Variants in CTNNA3 observed in about 807,000 individuals in gnomAD.
The protein encoded by CTNNA3 is catenin alpha-3.
A neutral mutation model predicts 95.7 loss-of-function variants in CTNNA3; 76 were observed. The observed-to-expected ratio is 0.79, with a 90% confidence interval of 0.66 to 0.96. CTNNA3 has a LOEUF of 0.96. Ranked by LOEUF, CTNNA3 falls within the 40% of genes least tolerant of loss-of-function variation. The pLI, the probability that CTNNA3 is intolerant of heterozygous loss-of-function variation, is 0.00. For missense variants in CTNNA3, 1,191 were observed against 1,089.8 expected, an observed-to-expected ratio of 1.09 and a Z score of -1.31; for synonymous variants, 431 against 374.4, an observed-to-expected ratio of 1.15 and a Z score of -1.74.
At chr10:66,314,164 G>A (rs977710392) in intron 12 of CTNNA3, among the ~76,000 whole-genome samples, 3 of 151,988 alleles carry the variant, frequency 2.0e-5, no homozygotes, top group Non-Finnish European at 2.9e-5. Context: ...GTTCTTCCCC[G>A]GGAGCTGCAC....
At chr10:66,225,070 G>A (rs1181604230) in intron 13 of CTNNA3, among the ~76,000 whole-genome samples, 2 of 151,738 alleles carry the variant, frequency 1.3e-5, no homozygotes, top group Non-Finnish European at 2.9e-5. Flanking sequence ...CTAGCTATTT[G>A]AAAATATACA....
At chr10:67,749,887 G>T (rs1368081417) in intron 1 of CTNNA3, among the ~76,000 whole-genome samples, 2 of 152,058 alleles carry the variant, frequency 1.3e-5, no homozygotes, top group African/African-American at 4.8e-5. Flanking sequence ...CTGGTTTTTT[G>T]AAAAAAATTA....
intron 11 of CTNNA3, among the ~76,000 whole-genome samples, chr10:66,500,193 T>TA (rs1715769596): frequency 6.6e-6 from 1 of 152,044 alleles, no homozygotes; most frequent in African/African-American, 2.4e-5. Flanking sequence ...TATAAATCCA[T>TA]AAAAAATTCA....
rs117640493 is a variant in CTNNA3 at position 67,143,949 on chromosome 10, T to C, written c.1047+36368A>G. 0.01 allele frequency among the ~76,000 whole-genome samples: 1,530 copies of C among 152,360 alleles called. 75 individuals carry two copies. In the East Asian group the frequency reaches 0.14, roughly 14 times the overall value. ...ATTTTCAATTTACTTTGCCCAGATC[T>C]ATCAGAGGAATCACCATCTACAGCG... is the stretch of plus-strand genomic sequence containing the variant. On this transcript the variant is annotated intron_variant, in intron 7 of 17. Transcript: ENST00000433211.
At chr10:66,800,520 T>G (rs1564691649) in intron 7 of CTNNA3, among the ~76,000 whole-genome samples, 1 of 151,166 alleles carries the variant, frequency 6.6e-6, no homozygotes, top group Non-Finnish European at 1.5e-5. Flanking sequence ...GACACTTATC[T>G]ATGAAAAAAA....
chr10:67,694,368 G>T (rs1427819524), intron 1 of CTNNA3, among the ~76,000 whole-genome samples: 2 of 151,990 alleles, frequency 1.3e-5, no homozygotes, highest in Non-Finnish European at 2.9e-5. Flanking sequence ...ATATCATTTG[G>T]TAGACTAGGA....
chr10:66,182,761 C>T (rs1179696306), intron 13 of CTNNA3, among the ~76,000 whole-genome samples: 1 of 151,878 alleles, frequency 6.6e-6, no homozygotes, highest in Non-Finnish European at 1.5e-5. Flanking sequence ...ATTTAAGATC[C>T]TAAAATGAAA....
chr10:67,539,404 G>A, intron 4 of CTNNA3, 99 bp downstream of exon 4: 1 of 1,280,548 alleles, frequency 7.8e-7, no homozygotes, highest in Non-Finnish European at 1.1e-6. Flanking sequence ...GTTAAGAAAT[G>A]AGAGTGAAGC....
In CTNNA3 at chr10:66,493,903, C is replaced by CTTT. The variant is rs1181967222; in HGVS notation, c.1531+26711_1531+26713dup. ...TACAGGCGTGAGCCACTGCGCCGGC[C>CTTT]TTTTTTTTTTTTTTTTTTTTTTGAG... On this transcript the variant is annotated intron_variant, in intron 11 of 17. Coordinates refer to ENST00000433211, the MANE Select transcript of CTNNA3 (RefSeq NM_013266.4). Among the ~76,000 whole-genome samples, 221 of 98,124 alleles carry CTTT rather than the reference C, an allele frequency of 2.3e-3. 10 individuals are homozygous for CTTT. Among genetic ancestry groups the CTTT allele is most frequent in the African/African-American group, 0.01 (193 of 19,080 alleles). The allele number at this position is 98,124 out of a possible 152,430, so 64.4% of individuals were successfully genotyped here. A position where few individuals can be genotyped will look rare whatever the true frequency, so the allele number is the denominator to read the frequency against.
chr10:67,105,911 G>T (rs577608033), intron 7 of CTNNA3, among the ~76,000 whole-genome samples: 1 of 152,042 alleles, frequency 6.6e-6, no homozygotes, highest in Admixed American at 6.6e-5. Context: ...ACATTTTTCC[G>T]CCTTTGGATG....
intron 7 of CTNNA3, among the ~76,000 whole-genome samples, chr10:67,010,726 C>T (rs968168446): frequency 3.3e-5 from 5 of 152,164 alleles, no homozygotes; most frequent in African/African-American, 1.2e-4. Context: ...CAAGAGCTTT[C>T]GACTCAGCCA....
chr10:66,527,371 G>T (rs1841305835), intron 10 of CTNNA3, among the ~76,000 whole-genome samples: 1 of 152,066 alleles, frequency 6.6e-6, no homozygotes. Context: ...TATTTTTCAA[G>T]ATTATTTTGG....
chr10:66,323,456 C>A (rs957006524), intron 12 of CTNNA3, among the ~76,000 whole-genome samples: 1 of 151,570 alleles, frequency 6.6e-6, no homozygotes, highest in Non-Finnish European at 1.5e-5. Flanking sequence ...CCAGCCTGGG[C>A]AACATGGTGA....
intron 7 of CTNNA3, among the ~76,000 whole-genome samples, chr10:66,987,675 C>T (rs535253868): frequency 1.0e-3 from 154 of 152,256 alleles, no homozygotes; most frequent in African/African-American, 3.5e-3. Flanking sequence ...TTTTTCCATT[C>T]AAAGACTTAC....
At chr10:66,503,236 G>A (rs1173398676) in intron 11 of CTNNA3, among the ~76,000 whole-genome samples, 3 of 152,086 alleles carry the variant, frequency 2.0e-5, no homozygotes, top group African/African-American at 4.8e-5. Flanking sequence ...GAGCTCTAAG[G>A]ATGCAGAGAG....
intron 15 of CTNNA3, among the ~76,000 whole-genome samples, chr10:66,028,114 C>T (rs2079377451): frequency 6.6e-6 from 1 of 152,104 alleles, no homozygotes. Flanking sequence ...CAGCCTTCAA[C>T]ATGGAAAAAT....
At chr10:67,641,721 G>A (rs1000366735) in intron 2 of CTNNA3, among the ~76,000 whole-genome samples, 3 of 152,218 alleles carry the variant, frequency 2.0e-5, no homozygotes, top group African/African-American at 7.2e-5. Context: ...CATGGATGAA[G>A]CTGGAAACCA....
upstream of CTNNA3, among the ~76,000 whole-genome samples, chr10:67,696,941 G>A (rs980555272): frequency 2.0e-5 from 3 of 152,222 alleles, no homozygotes; most frequent in South Asian, 2.1e-4. Context: ...AAAACAAGAG[G>A]TGCTAACTAA....
At chr10:67,316,630 C>T (rs1046882067) in intron 5 of CTNNA3, among the ~76,000 whole-genome samples, 1 of 152,176 alleles carries the variant, frequency 6.6e-6, no homozygotes, top group Non-Finnish European at 1.5e-5. Context: ...CATGACAGAG[C>T]CATTCATTGC....
Sources: allele counts gnomAD v4.1 joint callset (sites outside exome capture counted in the v4.1 genomes callset), GRCh38; gene constraint gnomAD v4.1.1; transcripts MANE v1.5; gene names NCBI Gene and HGNC (gene_info 2026-07-23, HGNC 2026-07-21).